The following GRID2 variants were observed in gnomAD, a reference collection of about 807,000 sequenced individuals.
GRID2 encodes the protein glutamate receptor ionotropic, delta-2.
A neutral mutation model predicts 114.8 loss-of-function variants in GRID2; 33 were observed. The observed-to-expected ratio is 0.29, with a 90% CI of 0.22 to 0.38. GRID2 has a LOEUF of 0.38. Among genes scored for constraint, GRID2 ranks in the 10% least tolerant of loss-of-function variants. GRID2 has a pLI of 1.00. For synonymous variants in GRID2, 505 were observed against 449.9 expected, an observed-to-expected ratio of 1.12 and a Z score of -1.55; for missense variants, 1,184 against 1,257.7, an observed-to-expected ratio of 0.94 and a Z score of 0.89.
chr4:93,745,867 A>T (rs1360397174), intron 14 of GRID2, among the ~76,000 whole-genome samples: 1 of 152,120 alleles, frequency 6.6e-6, no homozygotes, highest in African/African-American at 2.4e-5. Flanking sequence ...TGCTGCAGGC[A>T]GAGTTAATTA....
chr4:92,793,300 CT>C (rs1304648047), intron 2 of GRID2, among the ~76,000 whole-genome samples: 1 of 151,662 alleles, frequency 6.6e-6, no homozygotes, highest in Non-Finnish European at 1.5e-5. Flanking sequence ...GTCTCCCTTC[CT>C]TAAATATTCC....
intron 13 of GRID2, among the ~76,000 whole-genome samples, chr4:93,561,406 G>T (rs1734912699): frequency 6.6e-6 from 1 of 151,954 alleles, no homozygotes; most frequent in African/African-American, 2.4e-5. Context: ...TAGGTTTACG[G>T]CAAAATTGAA....
At chr4:93,611,637 C>T (rs1354398561) in intron 13 of GRID2, among the ~76,000 whole-genome samples, 3 of 128,178 alleles carry the variant, frequency 2.3e-5, no homozygotes, top group Admixed American at 2.3e-4. Context: ...GAGTGAGATT[C>T]TTAATCCTGA....
chr4:92,734,114 T>C (rs983762750), intron 2 of GRID2, among the ~76,000 whole-genome samples: 1 of 152,152 alleles, frequency 6.6e-6, no homozygotes, highest in African/African-American at 2.4e-5. Context: ...TTGTAATTTA[T>C]TTTTACATGT....
chr4:92,713,470 CA>C (rs1735362319), intron 2 of GRID2, among the ~76,000 whole-genome samples: 2 of 74,880 alleles, frequency 2.7e-5, no homozygotes, highest in Non-Finnish European at 5.1e-5. Flanking sequence ...TTTACATATA[CA>C]TATACATATA....
intron 1 of GRID2, among the ~76,000 whole-genome samples, chr4:92,466,823 TA>T (rs1017340825): frequency 1.3e-5 from 2 of 151,640 alleles, no homozygotes; most frequent in Non-Finnish European, 3.0e-5. Context: ...CATACATATA[TA>T]TATATATGTG....
chr4:92,866,137 A>T (rs1744844792), intron 2 of GRID2, among the ~76,000 whole-genome samples: 1 of 152,140 alleles, frequency 6.6e-6, no homozygotes, highest in African/African-American at 2.4e-5. Flanking sequence ...CATGTTGAGG[A>T]TATTTGGGAT....
intron 1 of GRID2, among the ~76,000 whole-genome samples, chr4:92,555,560 A>G (rs572923178): frequency 6.6e-6 from 1 of 152,284 alleles, no homozygotes; most frequent in South Asian, 2.1e-4. Context: ...GGGTCTGGCA[A>G]TGAAGAAAAA....
chr4:93,603,733 CACTT>C (rs1739929087), intron 13 of GRID2, among the ~76,000 whole-genome samples: 1 of 152,182 alleles, frequency 6.6e-6, no homozygotes, highest in African/African-American at 2.4e-5. Flanking sequence ...AGCCAGTGCT[CACTT>C]ACCATTCTGA....
At chr4:93,388,671 A>C (rs1323568320) in intron 8 of GRID2, among the ~76,000 whole-genome samples, 2 of 152,230 alleles carry the variant, frequency 1.3e-5, no homozygotes, top group Non-Finnish European at 2.9e-5. Flanking sequence ...CTATGGAAAG[A>C]CTTTAAGCAG....
chr4:93,149,785 A>G (rs1176309249), intron 4 of GRID2, among the ~76,000 whole-genome samples: 3 of 151,864 alleles, frequency 2.0e-5, no homozygotes, highest in African/African-American at 7.3e-5. Context: ...AGGTCCATGC[A>G]ACACGACCTG....
intron 14 of GRID2, among the ~76,000 whole-genome samples, chr4:93,629,329 C>T (rs1395444697): frequency 6.6e-6 from 1 of 152,130 alleles, no homozygotes; most frequent in African/African-American, 2.4e-5. Flanking sequence ...TTGGTAACGA[C>T]ACCCTGCATC....
chr4:92,890,629 A>G (rs989156137), intron 2 of GRID2, among the ~76,000 whole-genome samples: 5 of 152,326 alleles, frequency 3.3e-5, no homozygotes, highest in Middle Eastern at 3.4e-3. Context: ...GCTGGAGAGG[A>G]TGAGGAGAAA....
chr4:92,707,081 G>A (rs1392095279), intron 2 of GRID2, among the ~76,000 whole-genome samples: 2 of 152,104 alleles, frequency 1.3e-5, no homozygotes, highest in African/African-American at 4.8e-5. Context: ...TTCTGTAAAT[G>A]TTAGATAGGG....
At chr4:93,753,409 A>G (rs555620037) in intron 14 of GRID2, among the ~76,000 whole-genome samples, 5 of 152,202 alleles carry the variant, frequency 3.3e-5, no homozygotes, top group Non-Finnish European at 5.9e-5. Context: ...TTTGTTACTT[A>G]TTTATACATG....
intron 8 of GRID2, among the ~76,000 whole-genome samples, chr4:93,269,512 A>T (rs1325264784): frequency 6.6e-6 from 1 of 152,194 alleles, no homozygotes; most frequent in Non-Finnish European, 1.5e-5. Context: ...AGTCAAAAGG[A>T]ATCAAACATT....
At chr4:92,744,956 T>C (rs1476540095) in intron 2 of GRID2, among the ~76,000 whole-genome samples, 1 of 152,072 alleles carries the variant, frequency 6.6e-6, no homozygotes, top group Non-Finnish European at 1.5e-5. Flanking sequence ...TCTTTGGGGG[T>C]GAAATTTATG....
intron 13 of GRID2, among the ~76,000 whole-genome samples, chr4:93,528,730 C>T (rs1731167982): frequency 6.6e-6 from 1 of 152,020 alleles, no homozygotes; most frequent in Admixed American, 6.6e-5. Context: ...AACCAGCCCC[C>T]AGCAAAAGAA....
At chr4:93,752,949 A>G (rs1732451397) in intron 14 of GRID2, among the ~76,000 whole-genome samples, 1 of 152,148 alleles carries the variant, frequency 6.6e-6, no homozygotes, top group South Asian at 2.1e-4. Context: ...TTAGTTTTCT[A>G]TATGGATCAT....
Sources: gnomAD v4.1 joint callset for allele counts (sites outside exome capture counted in the v4.1 genomes callset) on GRCh38, gnomAD v4.1.1 for gene constraint, MANE v1.5 for transcripts, NCBI Gene and HGNC (gene_info 2026-07-23, HGNC 2026-07-21) for gene names.